The following EPHA8 variants were observed in gnomAD, a reference collection of about 807,000 sequenced individuals.
EPHA8 encodes the protein EPH receptor A8.
Under a neutral mutation model 103.6 loss-of-function variants are expected in EPHA8, and 58 were observed. The observed-to-expected ratio is 0.56, with a 90% CI of 0.45 to 0.70. The LOEUF is 0.70. EPHA8 is among the 30% of genes least tolerant of loss of function. The pLI is 0.00. For synonymous variants in EPHA8, 559 were observed against 572.5 expected (o/e 0.98, Z 0.34); for missense variants, 1,304 against 1,395.2 (o/e 0.93, Z 1.04).
intron 5 of EPHA8, among the ~76,000 whole-genome samples, chr1:22,592,965 G>A (rs1023235175): frequency 6.6e-6 from 1 of 152,200 alleles, no homozygotes; most frequent in African/African-American, 2.4e-5. Context: ...TGAGGGGCCA[G>A]TTCCTCCATT....
chr1:22,590,274 G>A (rs1641338528), intron 5 of EPHA8, among the ~76,000 whole-genome samples: 1 of 152,190 alleles, frequency 6.6e-6, no homozygotes, highest in African/African-American at 2.4e-5. Context: ...AAGTGGAGGG[G>A]AGAGCAAGAG....
Position 22,601,361 on chromosome 1 carries a change from G to C in EPHA8, c.2791G>C (p.Gly931Arg). The part of the protein sequence containing the change: ...FDLRGGSGGG[G>R]GLTVGDWLDS... ...CCTCCGAGGGGGCAGCGGTGGCGGT[G>C]GGGGCCTCACCGTGGGGGACTGGCT... Residue 931 changes from glycine (G) to arginine (R), a missense_variant, in exon 16 of 17, where the codon GGG becomes CGG. Physicochemically the swap from Gly to Arg is moderately radical, Grantham distance 125 (BLOSUM62 -2). Transcript: ENST00000166244. 1 of 1,609,186 alleles carries C rather than the reference G, an allele frequency of 6.2e-7. No individual in the cohort carries two copies. Among genetic ancestry groups the C allele is most frequent in the Non-Finnish European group, 8.5e-7 (1 of 1,178,930 alleles).
In EPHA8 at chr1:22,597,144, C is replaced by G. The variant is rs1463662875; in HGVS notation, c.1766-168C>G. ...GAAACCCCAGAGCGACTCCAGAGACCCCACTTTCACTTGGGAAATACTTAT... is the reference window on the plus strand; with the variant it reads ...GAAACCCCAGAGCGACTCCAGAGACGCCACTTTCACTTGGGAAATACTTAT... On this transcript the variant is annotated intron_variant, in intron 9 of 16. Transcript: ENST00000166244. This position sits in a 1 kb window ranked among gnomAD's most constrained non-coding sequence, Gnocchi z 4.6. Among the ~76,000 whole-genome samples, 1 of 152,132 alleles carries G rather than the reference C, an allele frequency of 6.6e-6. No individual in the cohort carries two copies. Among genetic ancestry groups the G allele is most frequent in the Non-Finnish European group, 1.5e-5 (1 of 68,026 alleles).
At chr1:22,570,265 TGTACACACACATGCACGCGC>T (rs1180697733) in intron 2 of EPHA8, among the ~76,000 whole-genome samples, 3 of 151,962 alleles carry the variant, frequency 2.0e-5, no homozygotes, top group East Asian at 3.9e-4. Flanking sequence ...CACGCACGCA[TGTACACACACATGCACGCGC>T]GTACACACAC....
At chr1:22,599,873 GAGGGAGGGAGTGGGGGAGGAAGGAAGGA>G (rs1317964083) in intron 13 of EPHA8, among the ~76,000 whole-genome samples, 1 of 80,704 alleles carries the variant, frequency 1.2e-5, no homozygotes, top group Non-Finnish European at 2.4e-5. Flanking sequence ...GGAAGGGAAG[GAGGGAGGGAGTGGGGGAGGAAGGAAGGA>G]AGGGAGGGAA....
intron 3 of EPHA8, among the ~76,000 whole-genome samples, chr1:22,578,806 C>T (rs561705172): frequency 6.8e-6 from 1 of 146,074 alleles, no homozygotes; most frequent in Admixed American, 6.8e-5. Flanking sequence ...TGCGTGTGTG[C>T]ATGTATGTGT....
Position 22,583,394 on chromosome 1 carries a change from C to T in EPHA8, c.824-3086C>T, listed in dbSNP as rs997179752. On this transcript the variant is annotated intron_variant, in intron 3 of 16. Transcript: ENST00000166244. ...TATTAGCCGAGTGTGTGAGAACTGC[C>T]GACTGGTGAGCCACAGCGGCGCAGC... 4.6e-5 allele frequency among the ~76,000 whole-genome samples: 7 copies of T among 152,212 alleles called. 1 individual carries two copies. The highest frequency in any genetic ancestry group is 3.3e-4 in the Admixed American group (5 of 15,282).
chr1:22,598,775 TC>T lies in EPHA8; in HGVS notation c.2179-61del. On this transcript the variant is annotated intron_variant, in intron 12 of 16. Coordinates refer to ENST00000166244, the MANE Select transcript of EPHA8 (RefSeq NM_020526.5). This position sits in a 1 kb window ranked among gnomAD's most constrained non-coding sequence, Gnocchi z 5.1. ...AGAGCATCCTACAGATGGGAGGTGTTCCTGTTCACGGACCAGGCGCCTCGCC... is the reference window on the plus strand; with the variant it reads ...AGAGCATCCTACAGATGGGAGGTGTTCTGTTCACGGACCAGGCGCCTCGCC... The T allele has an allele frequency of 6.5e-7, 1 of 1,537,712 alleles. No homozygotes were observed. Among genetic ancestry groups the T allele is most frequent in the Non-Finnish European group, 8.9e-7 (1 of 1,124,112 alleles).
At chr1:22,592,316 C>A (rs865789659) in intron 5 of EPHA8, among the ~76,000 whole-genome samples, 2 of 152,138 alleles carry the variant, frequency 1.3e-5, no homozygotes, top group African/African-American at 4.8e-5. Context: ...GTGGCCTCAT[C>A]GAATCCTCCC....
At chr1:22,593,730 C>T (rs770131876) in intron 7 of EPHA8, 44 bp downstream of exon 7, 1 of 1,497,614 alleles carries the variant, frequency 6.7e-7, no homozygotes, top group Non-Finnish European at 8.9e-7. Flanking sequence ...GCCCAGGTGC[C>T]AGGACCCTGG....
rs1379850286 is a variant in EPHA8 at position 22,568,399 on chromosome 1, G to T, written c.95-890G>T. ...TCCCTGCCGTGGAGACTACCCAGAG[G>T]TTCTGTTTCTCGGGCCCGAGCATCC... On this transcript the variant is annotated intron_variant, in intron 1 of 16. Coordinates refer to ENST00000166244, the MANE Select transcript of EPHA8 (RefSeq NM_020526.5). Among the ~76,000 whole-genome samples the T allele has an allele frequency of 3.3e-5, 5 of 152,258 alleles. No homozygotes were observed. In the East Asian group the frequency reaches 7.7e-4, roughly 24 times the overall value.
Position 22,567,799 on chromosome 1 carries a change from G to A in EPHA8, c.95-1490G>A, listed in dbSNP as rs148488134. 1.2e-4 allele frequency among the ~76,000 whole-genome samples: 18 copies of A among 152,250 alleles called. No individual in the cohort carries two copies. Among genetic ancestry groups the A allele is most frequent in the Middle Eastern group, 3.4e-3 (1 of 294 alleles). On this transcript the variant is annotated intron_variant, in intron 1 of 16. Coordinates refer to ENST00000166244, the MANE Select transcript of EPHA8 (RefSeq NM_020526.5). The surrounding 1 kb of genome is among the most constrained non-coding windows in gnomAD (Gnocchi z 4.2). ...CAGGAGAGCTCCACCTTTAACCCCC[G>A]TCACCTGCCCAAGCCCGCTGATTGG...
At chr1:22,574,169 C>T (rs1419830584) in intron 2 of EPHA8, among the ~76,000 whole-genome samples, 1 of 151,892 alleles carries the variant, frequency 6.6e-6, no homozygotes, top group Non-Finnish European at 1.5e-5. Flanking sequence ...TTAGGAGAGA[C>T]GGGGTTTCAC....
At chr1:22,575,826 A>G (rs1241140988) in intron 2 of EPHA8, among the ~76,000 whole-genome samples, 1 of 152,108 alleles carries the variant, frequency 6.6e-6, no homozygotes, top group African/African-American at 2.4e-5. Context: ...GGCAGCTGAT[A>G]TGGAAACTGG....
intron 7 of EPHA8, 95 bp from the exon 8 acceptor site, chr1:22,595,135 G>A (rs1047646003): frequency 2.9e-6 from 3 of 1,041,978 alleles, no homozygotes; most frequent in Non-Finnish European, 4.1e-6. Flanking sequence ...ACTGGCCCCA[G>A]GGTCACAGCC....
In EPHA8 at chr1:22,576,748, G is replaced by A. The variant is rs1640715462; in HGVS notation, c.691G>A (p.Gly231Ser). ...CTCGTCCTCACTGGTGGAGGTGAGG[G>A]GCCAGTGCGTGCGGCACTCAGAGGA... Reference protein sequence around the residue: ...ADSSSLVEVRGQCVRHSEERD... With the variant: ...ADSSSLVEVRSQCVRHSEERD... Residue 231 changes from glycine (G) to serine (S), a missense_variant, in exon 3 of 17, where the codon GGC (glycine) becomes AGC (serine). By Grantham distance (56) the Gly-to-Ser change is moderately conservative. Transcript: ENST00000166244. This position sits in a 1 kb window ranked among gnomAD's most constrained non-coding sequence, Gnocchi z 4.8. 2.5e-6 allele frequency: 4 copies of A among 1,613,784 alleles called. No homozygotes were observed. Among genetic ancestry groups the A allele is most frequent in the Non-Finnish European group, 3.4e-6 (4 of 1,180,040 alleles).
chr1:22,565,489 G>A (rs1640332948), intron 1 of EPHA8, among the ~76,000 whole-genome samples: 1 of 152,200 alleles, frequency 6.6e-6, no homozygotes, highest in African/African-American at 2.4e-5. Flanking sequence ...ACGGCTTTCT[G>A]AGGGTGGGTG....
At position 22,586,421 on chromosome 1, in the gene EPHA8, C is replaced by T. The variant is rs183497128; in HGVS notation, c.824-59C>T. The T allele has an allele frequency of 9.4e-3, 14,822 of 1,584,980 alleles. 900 individuals carry two copies. The Admixed American group carries it at 0.15, about 16-fold the overall frequency. On this transcript the variant is annotated intron_variant, in intron 3 of 16. Coordinates refer to ENST00000166244, the MANE Select transcript of EPHA8 (RefSeq NM_020526.5). ...AGCTGTGGGCCACAGTGTGAGCGGT[C>T]CCCAAGGCCAGCCAGGGTGGCCCTG...
chr1:22,600,985 C>T lies in EPHA8; in HGVS notation c.2626C>T (p.His876Tyr). Residue 876 changes from histidine (H) to tyrosine (Y), a missense_variant, in exon 15 of 17, where the codon CAC becomes TAC. Coordinates refer to ENST00000166244, the MANE Select transcript of EPHA8 (RefSeq NM_020526.5). ...ALHQLMLDCW[H>Y]KDRAQRPRFS... ...GCACCAGCTCATGCTCGACTGTTGG[C>T]ACAAGGACCGGGCGCAGCGGCCTCG... 1 of 1,613,048 alleles carries T rather than the reference C, an allele frequency of 6.2e-7. No homozygotes were observed. Among genetic ancestry groups the T allele is most frequent in the Non-Finnish European group, 8.5e-7 (1 of 1,179,870 alleles).
Sources: gnomAD v4.1 joint callset for allele counts (sites outside exome capture counted in the v4.1 genomes callset) on GRCh38, gnomAD v4.1.1 for gene constraint, Gnocchi (gnomAD v3.1) non-coding constraint, MANE v1.5 for transcripts, NCBI Gene and HGNC (gene_info 2026-07-23, HGNC 2026-07-21) for gene names.